UNC45B: variants seen among roughly 807,000 people sequenced by gnomAD.
The protein encoded by UNC45B is unc-45 myosin chaperone B.
A neutral mutation model predicts 98.7 loss-of-function variants in UNC45B; 78 were observed. The observed-to-expected ratio is 0.79, with a 90% CI of 0.66 to 0.95. UNC45B has a LOEUF of 0.95. Among genes scored for constraint, UNC45B ranks in the 40% least tolerant of loss-of-function variants. UNC45B has a pLI of 0.00. For synonymous variants in UNC45B, 462 were observed against 480.4 expected (o/e 0.96, Z 0.50); for missense variants, 1,225 against 1,184.9 (o/e 1.03, Z -0.50).
chr17:35,153,422 G>A (rs543395128), intron 5 of UNC45B, among the ~76,000 whole-genome samples: 2 of 151,830 alleles, frequency 1.3e-5, no homozygotes, highest in Admixed American at 6.6e-5. Flanking sequence ...AATATTGAAA[G>A]AAGTCATTCT....
intron 14 of UNC45B, among the ~76,000 whole-genome samples, chr17:35,175,104 GA>G (rs200774415): frequency 4.5e-5 from 6 of 133,220 alleles, no homozygotes; most frequent in African/African-American, 1.3e-4. Flanking sequence ...AAAGAAAAAA[GA>G]AAAGAAAGAA....
At chr17:35,183,332 G>T (rs2092284622) in intron 18 of UNC45B, 95 bp from the exon 19 acceptor site, 2 of 1,346,386 alleles carry the variant, frequency 1.5e-6, no homozygotes, top group Non-Finnish European at 1.9e-6. Flanking sequence ...AACTCTAAGA[G>T]ATCTTGGGTC....
At chr17:35,150,769 C>A (rs191802287) in intron 4 of UNC45B, among the ~76,000 whole-genome samples, 199 of 151,242 alleles carry the variant, frequency 1.3e-3, no homozygotes, top group African/African-American at 2.4e-3. Context: ...CCGCCCCCCC[C>A]AAAAAAATTC....
intron 9 of UNC45B, chr17:35,167,075 C>T (rs1369229488): frequency 6.6e-6 from 1 of 152,352 alleles, no homozygotes; most frequent in Non-Finnish European, 1.5e-5. Context: ...CCCACATGCT[C>T]ACCAACAGGG....
At chr17:35,177,194 C>G in intron 16 of UNC45B, 64 bp downstream of exon 16, 1 of 1,440,524 alleles carries the variant, frequency 6.9e-7, no homozygotes, top group Non-Finnish European at 9.7e-7. Flanking sequence ...AGAGGCCTTT[C>G]CCCTTGTCAT....
intron 19 of UNC45B, among the ~76,000 whole-genome samples, chr17:35,184,117 C>T (rs2092289789): frequency 6.6e-6 from 1 of 152,178 alleles, no homozygotes; most frequent in Non-Finnish European, 1.5e-5. Flanking sequence ...ACTCATCTCT[C>T]CCCATGGTGA....
intron 7 of UNC45B, among the ~76,000 whole-genome samples, chr17:35,156,937 A>G (rs569934161): frequency 6.6e-6 from 1 of 152,284 alleles, no homozygotes; most frequent in African/African-American, 2.4e-5. Flanking sequence ...TTTGATTTTA[A>G]TAATTAATTT....
At chr17:35,167,563 A>G (rs980124543) in intron 9 of UNC45B, among the ~76,000 whole-genome samples, 4 of 151,782 alleles carry the variant, frequency 2.6e-5, no homozygotes, top group East Asian at 1.9e-4. Flanking sequence ...TTGAGGTCAC[A>G]GTGAGCTATG....
At chr17:35,177,435 T>C in intron 16 of UNC45B, 60 bp from the exon 17 acceptor site, 4 of 1,248,930 alleles carry the variant, frequency 3.2e-6, no homozygotes, top group Non-Finnish European at 4.5e-6. Flanking sequence ...CACCTATAAA[T>C]GTGAGGCACT....
chr17:35,148,566 G>C, intron 2 of UNC45B, 135 bp downstream of exon 2: 2 of 1,026,178 alleles, frequency 1.9e-6, no homozygotes, highest in South Asian at 3.3e-5. Context: ...GGAGAAGGGT[G>C]CCTCCAACCC....
chr17:35,148,588 C>T (rs996885216), intron 2 of UNC45B, among the ~76,000 whole-genome samples, 157 bp downstream of exon 2: 4 of 152,148 alleles, frequency 2.6e-5, no homozygotes, highest in Non-Finnish European at 5.9e-5. Context: ...CTGACCCATG[C>T]CCCGGAAAGA....
Position 35,155,469 on chromosome 17 carries a change from G to A in UNC45B, c.808+5G>A. On this transcript the variant is annotated splice_donor_5th_base_variant and intron_variant, in intron 7 of 19. Transcript: ENST00000394570. ...AGGAGGAGGCCCTGGTTCTAGGTAG[G>A]AAACATTCTTCAGTTTTGATTCAAG... is the stretch of plus-strand genomic sequence containing the variant. 1 of 1,613,566 alleles carries A rather than the reference G, an allele frequency of 6.2e-7. No homozygotes were observed. The highest frequency in any genetic ancestry group is 8.5e-7 in the Non-Finnish European group (1 of 1,179,612).
In UNC45B at chr17:35,174,266, C is replaced by T. The variant is rs183680447; in HGVS notation, c.1855C>T (p.Arg619Trp). ...GGACAAGAAGGACTTTATAGACATGCGGGTGAAGCGGCTTCTGAAGGCGGG... is the reference window on the plus strand; with the variant it reads ...GGACAAGAAGGACTTTATAGACATGTGGGTGAAGCGGCTTCTGAAGGCGGG... ...PKDKKDFIDMRVKRLLKAGVI... is the reference protein window; with the variant it reads ...PKDKKDFIDMWVKRLLKAGVI... The change falls in exon 14 of 20, where the codon CGG (arginine) becomes TGG (tryptophan). Residue 619 changes from arginine to tryptophan, a missense_variant. Physicochemically the swap from Arg to Trp is moderately radical, Grantham distance 101. Transcript: ENST00000394570. The T allele has an allele frequency of 3.8e-5, 62 of 1,614,138 alleles. No homozygotes were observed. The African/African-American group carries it at 4.7e-4, about 12-fold the overall frequency.
intron 3 of UNC45B, among the ~76,000 whole-genome samples, chr17:35,149,403 G>GT (rs1225606249): frequency 6.6e-6 from 1 of 151,868 alleles, no homozygotes; most frequent in Non-Finnish European, 1.5e-5. Context: ...GTTTTGTTTT[G>GT]TTTTTTGGGT....
intron 8 of UNC45B, among the ~76,000 whole-genome samples, chr17:35,160,234 CATAAG>C (rs1162227742): frequency 6.6e-6 from 1 of 152,162 alleles, no homozygotes; most frequent in East Asian, 1.9e-4. Flanking sequence ...GATCACTTTA[CATAAG>C]ATAAGGTGAA....
intron 9 of UNC45B, chr17:35,166,932 C>T (rs2092145147): frequency 6.6e-6 from 1 of 152,252 alleles, no homozygotes; most frequent in Non-Finnish European, 1.5e-5. Flanking sequence ...CCCTGTTTCC[C>T]ACAATGCACC....
chr17:35,164,909 C>T (rs1195953389), intron 9 of UNC45B, among the ~76,000 whole-genome samples: 6 of 151,398 alleles, frequency 4.0e-5, no homozygotes, highest in African/African-American at 1.5e-4. Flanking sequence ...TTTTCTGTCA[C>T]CCGGGCTGGA....
rs1384644974 is a variant in UNC45B at position 35,177,509 on chromosome 17, G to A, written c.2154G>A (p.Val718=). The change falls in exon 17 of 20, where the codon GTG becomes GTA. Residue 718 remains valine (V), a synonymous_variant. Transcript: ENST00000394570. ...CTCCCCAACAGGTGTATGAGGTGGTGCGGCCCCTTGTAAGACTCTTGGACA... is the reference window on the plus strand; with the variant it reads ...CTCCCCAACAGGTGTATGAGGTGGTACGGCCCCTTGTAAGACTCTTGGACA... ...AFPGERVYEV[V]RPLVRLLDTQ... 6.4e-7 allele frequency: 1 copy of A among 1,562,252 alleles called. No individual in the cohort carries two copies. The highest frequency in any genetic ancestry group is 1.4e-5 in the African/African-American group (1 of 73,594).
intron 4 of UNC45B, among the ~76,000 whole-genome samples, chr17:35,152,398 G>C (rs1168167284): frequency 6.6e-6 from 1 of 152,172 alleles, no homozygotes; most frequent in African/African-American, 2.4e-5. Flanking sequence ...AGGGCAGTGG[G>C]GTTGGAGTGG....
Sources: gnomAD v4.1 joint callset for allele counts (sites outside exome capture counted in the v4.1 genomes callset) on GRCh38, gnomAD v4.1.1 for gene constraint, MANE v1.5 for transcripts, NCBI Gene and HGNC (gene_info 2026-07-23, HGNC 2026-07-21) for gene names.